Variants in CPPED1 observed in about 807,000 individuals in gnomAD.
CPPED1 encodes calcineurin like phosphoesterase domain containing 1.
Under a neutral mutation model 28.0 loss-of-function variants are expected in CPPED1, and 28 were observed. The observed-to-expected ratio is 1.00, with a 90% CI of 0.74 to 1.37. The LOEUF (loss-of-function observed/expected upper bound fraction) is 1.37, where lower values mean the gene tolerates loss of function less well. Ranked by LOEUF, CPPED1 falls within the 40% of genes most tolerant of loss-of-function variation. The pLI, the probability that CPPED1 is intolerant of heterozygous loss-of-function variation, is 0.00. For synonymous variants in CPPED1, 198 were observed against 180.2 expected (o/e 1.10, Z -0.79); for missense variants, 504 against 416.5 (o/e 1.21, Z -1.83).
chr16:12,713,029 G>A (rs1016436990), intron 2 of CPPED1, among the ~76,000 whole-genome samples: 2 of 151,968 alleles, frequency 1.3e-5, no homozygotes, highest in Non-Finnish European at 2.9e-5. Context: ...AATTGTGTAA[G>A]TACTGTTCTT....
chr16:12,803,626 C>T (rs2080674249), intron 1 of CPPED1, 81 bp downstream of exon 1: 3 of 1,222,656 alleles, frequency 2.5e-6, no homozygotes, highest in Admixed American at 3.6e-5. Context: ...ACTGGCGGAG[C>T]GCACACCTGA....
At chr16:12,795,766 T>C (rs945739090) in intron 1 of CPPED1, among the ~76,000 whole-genome samples, 2 of 152,196 alleles carry the variant, frequency 1.3e-5, no homozygotes, top group African/African-American at 4.8e-5. Context: ...TATTCATTCA[T>C]ACTCATCCAT....
chr16:12,671,779 G>C (rs1279944330), intron 3 of CPPED1, among the ~76,000 whole-genome samples: 1 of 150,684 alleles, frequency 6.6e-6, no homozygotes, highest in Admixed American at 6.6e-5. Flanking sequence ...TACCATGGAC[G>C]TTTTAGTCAA....
intron 2 of CPPED1, among the ~76,000 whole-genome samples, chr16:12,778,381 T>A (rs1262842171): frequency 4.0e-5 from 6 of 151,386 alleles, no homozygotes; most frequent in Non-Finnish European, 7.4e-5. Flanking sequence ...GTTCAAGCGA[T>A]TCTCCTGCCT....
intron 2 of CPPED1, among the ~76,000 whole-genome samples, chr16:12,735,303 T>TA (rs1053602084): frequency 2.8e-4 from 43 of 152,178 alleles, no homozygotes; most frequent in East Asian, 7.7e-4. Context: ...AATATATATA[T>TA]TTTTTTTAGA....
intron 3 of CPPED1, among the ~76,000 whole-genome samples, chr16:12,703,007 C>T (rs531892817): frequency 3.6e-5 from 4 of 111,452 alleles, no homozygotes; most frequent in East Asian, 2.4e-4. Flanking sequence ...AGCGGGACTC[C>T]GTCTCAAAAA....
At chr16:12,690,449 G>C (rs1214348769) in intron 3 of CPPED1, among the ~76,000 whole-genome samples, 1 of 151,964 alleles carries the variant, frequency 6.6e-6, no homozygotes, top group African/African-American at 2.4e-5. Context: ...AGGAGGCAGA[G>C]GTTGCAGTGA....
At chr16:12,764,717 C>T (rs991537667) in intron 2 of CPPED1, among the ~76,000 whole-genome samples, 1 of 152,224 alleles carries the variant, frequency 6.6e-6, no homozygotes, top group Admixed American at 6.5e-5. Flanking sequence ...CCTTCTCTAA[C>T]TCAACCACCT....
At chr16:12,672,559 G>T (rs527890378) in intron 3 of CPPED1, among the ~76,000 whole-genome samples, 1 of 152,328 alleles carries the variant, frequency 6.6e-6, no homozygotes, top group East Asian at 1.9e-4. Flanking sequence ...TAGAAGGTTT[G>T]TGTGCATATA....
chr16:12,681,937 T>C (rs1285968766), intron 3 of CPPED1, among the ~76,000 whole-genome samples: 1 of 152,154 alleles, frequency 6.6e-6, no homozygotes, highest in African/African-American at 2.4e-5. Flanking sequence ...GGCTGCCCAC[T>C]TGAGTCCACA....
chr16:12,803,871 C>G lies in CPPED1; in HGVS notation c.-95G>C. The G allele has an allele frequency of 8.1e-7, 1 of 1,231,386 alleles. No homozygotes were observed. The highest frequency in any genetic ancestry group is 1.5e-5 in the South Asian group (1 of 65,890). The allele number at this position is 1,231,386 out of a possible 1,614,324, so 76.3% of individuals were successfully genotyped here. On this transcript the variant is annotated 5_prime_UTR_variant, in exon 1 of 4. Coordinates refer to ENST00000381774, the MANE Select transcript of CPPED1 (RefSeq NM_018340.3). ...ACCGCTGGACCTGTCCCGCTTTGGG[C>G]GACGCCCTTTGATCTCGGGGCGGGA...
At chr16:12,737,909 C>T (rs1035824554) in intron 2 of CPPED1, among the ~76,000 whole-genome samples, 11 of 152,146 alleles carry the variant, frequency 7.2e-5, no homozygotes, top group Non-Finnish European at 1.5e-5. Context: ...ACCGAGGAAT[C>T]CGGTCATTTT....
In CPPED1 at chr16:12,736,689, A is replaced by G. The variant is rs147945107; in HGVS notation, c.290-31640T>C. On this transcript the variant is annotated intron_variant, in intron 2 of 3. Coordinates refer to ENST00000381774, the MANE Select transcript of CPPED1 (RefSeq NM_018340.3). ...CCATTTGCTTAACCATTATTTACAG[A>G]ATGCTAGGCAATCTAAACACTAAGA... Among the ~76,000 whole-genome samples the G allele has an allele frequency of 2.9e-3, 443 of 152,350 alleles. 2 individuals carry two copies. Among genetic ancestry groups the G allele is most frequent in the African/African-American group, 0.01 (423 of 41,580 alleles).
chr16:12,731,144 C>CA (rs1292479432), intron 2 of CPPED1, among the ~76,000 whole-genome samples: 67 of 126,682 alleles, frequency 5.3e-4, no homozygotes, highest in African/African-American at 1.7e-3. Context: ...CCTGTCTCTT[C>CA]AAAAAAAAAA....
In CPPED1 at chr16:12,700,450, G is replaced by A. The variant is rs370264931; in HGVS notation, c.715+4174C>T. On this transcript the variant is annotated intron_variant, in intron 3 of 3. Coordinates refer to ENST00000381774, the MANE Select transcript of CPPED1 (RefSeq NM_018340.3). The stretch of plus-strand genomic sequence containing the variant: ...CTGTTGCCCAAGGTGGAGTGCAGTG[G>A]CATGATCTCGGCTCATTGCAATCTC... Among the ~76,000 whole-genome samples, 386 of 152,332 alleles carry A rather than the reference G, an allele frequency of 2.5e-3. 2 individuals carry two copies. Among genetic ancestry groups the A allele is most frequent in the African/African-American group, 8.8e-3 (365 of 41,570 alleles).
intron 3 of CPPED1, among the ~76,000 whole-genome samples, chr16:12,686,605 G>C (rs996970012): frequency 1.3e-5 from 2 of 152,200 alleles, no homozygotes; most frequent in Admixed American, 6.5e-5. Flanking sequence ...TCCAAAGGCA[G>C]TGAGTGCTGT....
At chr16:12,745,072 A>AGG (rs79418813) in intron 2 of CPPED1, among the ~76,000 whole-genome samples, 1 of 152,146 alleles carries the variant, frequency 6.6e-6, no homozygotes, top group Admixed American at 6.6e-5. Flanking sequence ...GGAAATATAG[A>AGG]GGGGGAAAAG....
intron 2 of CPPED1, among the ~76,000 whole-genome samples, chr16:12,717,084 T>G (rs8060606): frequency 0.82 from 124,446 of 151,936 alleles, 51,544 homozygotes; most frequent in African/African-American, 0.95. Flanking sequence ...TAACCAAAGG[T>G]AATAGTAGGG....
intron 2 of CPPED1, among the ~76,000 whole-genome samples, chr16:12,737,058 C>T (rs886677615): frequency 3.3e-5 from 5 of 152,026 alleles, no homozygotes; most frequent in African/African-American, 7.2e-5. Context: ...GGTGCGATGG[C>T]GCACACCTGC....
Sources: allele counts gnomAD v4.1 joint callset (sites outside exome capture counted in the v4.1 genomes callset), GRCh38; gene constraint gnomAD v4.1.1; transcripts MANE v1.5; gene names NCBI Gene and HGNC (gene_info 2026-07-23, HGNC 2026-07-21).